LRRC1: variants seen among roughly 807,000 people sequenced by gnomAD.
LRRC1 encodes the protein leucine rich repeat containing 1.
In LRRC1, 28 loss-of-function variants were observed where a neutral mutation model predicts 69.9. That is an observed-to-expected ratio of 0.40 (90% CI 0.30 to 0.55). LRRC1 has a LOEUF of 0.55. Among genes scored for constraint, LRRC1 ranks in the 20% least tolerant of loss-of-function variants. The pLI is 0.47. For missense variants in LRRC1, 498 were observed against 609.0 expected (o/e 0.82, Z 1.92); for synonymous variants, 236 against 240.2 (o/e 0.98, Z 0.16).
At chr6:53,869,814 CA>C (rs1766824877) in intron 2 of LRRC1, among the ~76,000 whole-genome samples, 1 of 152,192 alleles carries the variant, frequency 6.6e-6, no homozygotes, top group South Asian at 2.1e-4. Context: ...CTGGAGAACC[CA>C]ATCTAATCTT....
At chr6:53,849,495 G>GTC (rs1169006714) in intron 2 of LRRC1, among the ~76,000 whole-genome samples, 1 of 152,188 alleles carries the variant, frequency 6.6e-6, no homozygotes, top group Non-Finnish European at 1.5e-5. Flanking sequence ...CCATTTTGCC[G>GTC]TGTGAATCTG....
intron 4 of LRRC1, among the ~76,000 whole-genome samples, chr6:53,889,832 G>A (rs980740743): frequency 3.3e-5 from 5 of 152,168 alleles, no homozygotes; most frequent in African/African-American, 1.2e-4. Context: ...AGGCAAATTT[G>A]AAGCTGGGTA....
chr6:53,879,554 G>T (rs1056045173), intron 3 of LRRC1, among the ~76,000 whole-genome samples: 2 of 152,118 alleles, frequency 1.3e-5, no homozygotes, highest in African/African-American at 4.8e-5. Flanking sequence ...AAAGTGCTGG[G>T]ATTACAGGCC....
intron 10 of LRRC1, among the ~76,000 whole-genome samples, chr6:53,908,283 C>A (rs1768301857): frequency 6.6e-6 from 1 of 152,132 alleles, no homozygotes; most frequent in Non-Finnish European, 1.5e-5. Flanking sequence ...AAAGAGACGC[C>A]AACTAAGCCA....
intron 2 of LRRC1, among the ~76,000 whole-genome samples, chr6:53,861,964 G>A (rs556030371): frequency 7.9e-5 from 12 of 152,180 alleles, no homozygotes; most frequent in African/African-American, 2.2e-4. Context: ...AATTCATGCC[G>A]AAAGAGTGAG....
At chr6:53,894,739 A>G (rs1767811682) in intron 4 of LRRC1, among the ~76,000 whole-genome samples, 1 of 152,178 alleles carries the variant, frequency 6.6e-6, no homozygotes, top group South Asian at 2.1e-4. Context: ...CAGATTATTT[A>G]CAGATTGCTT....
intron 1 of LRRC1, among the ~76,000 whole-genome samples, chr6:53,802,003 T>C (rs1441905111): frequency 6.6e-6 from 1 of 152,212 alleles, no homozygotes; most frequent in Non-Finnish European, 1.5e-5. Flanking sequence ...TTAAAAAGCT[T>C]AAAAGCCTTG....
intron 2 of LRRC1, among the ~76,000 whole-genome samples, chr6:53,862,584 G>T (rs1035094814): frequency 1.3e-5 from 2 of 152,040 alleles, no homozygotes; most frequent in South Asian, 4.1e-4. Context: ...TTTTGATTAG[G>T]AAAAATTTCT....
chr6:53,868,693 TCC>T (rs1206853450), intron 2 of LRRC1, among the ~76,000 whole-genome samples: 2 of 152,158 alleles, frequency 1.3e-5, no homozygotes. Context: ...GAGAGGGAAC[TCC>T]TTGTCTAGCA....
chr6:53,854,367 A>G (rs1766243494), intron 2 of LRRC1, among the ~76,000 whole-genome samples: 2 of 152,220 alleles, frequency 1.3e-5, no homozygotes, highest in South Asian at 4.1e-4. Context: ...TATGTTCTTT[A>G]AAGTACATGT....
At position 53,876,872 on chromosome 6, in the gene LRRC1, G is replaced by T. The variant is rs565153722; in HGVS notation, c.278-2121G>T. On this transcript the variant is annotated intron_variant, in intron 2 of 13. Coordinates refer to ENST00000370888, the MANE Select transcript of LRRC1 (RefSeq NM_018214.5). ...CTTTTCCAGGTGCACAGTGCTATCT[G>T]TTGGTGGATCTACCATTCTGGGGTC... Among the ~76,000 whole-genome samples, 3 of 152,194 alleles carry T rather than the reference G, an allele frequency of 2.0e-5. No homozygotes were observed. In the South Asian group the frequency reaches 6.2e-4, roughly 31 times the overall value.
chr6:53,885,206 C>G (rs558265782), intron 4 of LRRC1, among the ~76,000 whole-genome samples: 30 of 152,162 alleles, frequency 2.0e-4, no homozygotes, highest in Non-Finnish European at 4.1e-4. Context: ...TGTCCAAGAC[C>G]TTTTGGAAAA....
At chr6:53,828,278 G>C (rs1025605728) in intron 1 of LRRC1, among the ~76,000 whole-genome samples, 2 of 152,064 alleles carry the variant, frequency 1.3e-5, no homozygotes, top group African/African-American at 4.8e-5. Flanking sequence ...CAGAGATCTA[G>C]TTGAGTTCAT....
intron 13 of LRRC1, 22 bp from the exon 14 acceptor site, chr6:53,922,613 T>C (rs1253599970): frequency 5.7e-6 from 9 of 1,590,882 alleles, no homozygotes; most frequent in Non-Finnish European, 7.7e-6. Context: ...ACCAAAACAC[T>C]CACTCCACTG....
chr6:53,890,126 T>G (rs932086846), intron 4 of LRRC1, among the ~76,000 whole-genome samples: 3 of 152,174 alleles, frequency 2.0e-5, no homozygotes, highest in Non-Finnish European at 4.4e-5. Flanking sequence ...TTGTCTTTAC[T>G]TGATATGCCC....
chr6:53,908,474 A>G (rs112700721), intron 10 of LRRC1, among the ~76,000 whole-genome samples: 1 of 152,204 alleles, frequency 6.6e-6, no homozygotes, highest in African/African-American at 2.4e-5. Context: ...TTGCAATTCA[A>G]AATTCTTTCA....
intron 4 of LRRC1, among the ~76,000 whole-genome samples, chr6:53,896,189 T>C (rs917008907): frequency 2.0e-5 from 3 of 152,232 alleles, no homozygotes; most frequent in African/African-American, 7.2e-5. Flanking sequence ...AGAGTGGTTG[T>C]GTTTTATTGG....
At chr6:53,837,787 A>G (rs1047086073) in intron 1 of LRRC1, among the ~76,000 whole-genome samples, 4 of 152,310 alleles carry the variant, frequency 2.6e-5, no homozygotes, top group African/African-American at 9.6e-5. Context: ...AAGGAAAAGA[A>G]TCTTGTCAGA....
chr6:53,805,849 T>C (rs1291907358), intron 1 of LRRC1, among the ~76,000 whole-genome samples: 1 of 152,202 alleles, frequency 6.6e-6, no homozygotes, highest in Non-Finnish European at 1.5e-5. Flanking sequence ...AAGACACAGA[T>C]GTGACAGTGA....
Sources: allele counts gnomAD v4.1 joint callset (sites outside exome capture counted in the v4.1 genomes callset), GRCh38; gene constraint gnomAD v4.1.1; transcripts MANE v1.5; gene names NCBI Gene and HGNC (gene_info 2026-07-23, HGNC 2026-07-21).